KALRN: variants seen among roughly 807,000 people sequenced by gnomAD.
KALRN encodes kalirin.
KALRN carries 70 observed loss-of-function variants against 353.7 expected under a neutral mutation model. The observed-to-expected ratio is 0.20, with a 90% CI of 0.16 to 0.24. The LOEUF is 0.24. KALRN is among the 10% of genes least tolerant of loss of function. The probability of loss-of-function intolerance (pLI) is 1.00; values close to 1 mark genes in which losing one functional copy is unlikely to be tolerated. For synonymous variants in KALRN, 1,391 were observed against 1,434.8 expected, an observed-to-expected ratio of 0.97 and a Z score of 0.69; for missense variants, 2,791 against 3,756.7, an observed-to-expected ratio of 0.74 and a Z score of 6.72.
At chr3:124,581,694 A>C (rs1304090641) in intron 34 of KALRN, among the ~76,000 whole-genome samples, 1 of 152,214 alleles carries the variant, frequency 6.6e-6, no homozygotes, top group Non-Finnish European at 1.5e-5. Flanking sequence ...ATGCCCCCAA[A>C]GTGTAAAAAG....
intron 34 of KALRN, among the ~76,000 whole-genome samples, chr3:124,630,981 C>A (rs911555955): frequency 2.0e-5 from 3 of 152,148 alleles, no homozygotes; most frequent in African/African-American, 7.2e-5. Context: ...ACTACAGCTG[C>A]TTTTTTCAAA....
At chr3:124,381,433 G>A (rs1329731497) in intron 10 of KALRN, among the ~76,000 whole-genome samples, 2 of 152,202 alleles carry the variant, frequency 1.3e-5, no homozygotes, top group Non-Finnish European at 2.9e-5. Flanking sequence ...CCCAAAGGCA[G>A]TGGGAAGCCA....
At chr3:124,515,290 G>A (rs1323826764) in intron 33 of KALRN, among the ~76,000 whole-genome samples, 1 of 152,104 alleles carries the variant, frequency 6.6e-6, no homozygotes, top group Admixed American at 6.5e-5. Flanking sequence ...ACATGAATAG[G>A]GGGAGATAGG....
At chr3:124,134,489 C>A (rs1267938702) in intron 1 of KALRN, among the ~76,000 whole-genome samples, 2 of 152,218 alleles carry the variant, frequency 1.3e-5, no homozygotes, top group Non-Finnish European at 2.9e-5. Context: ...GCCGAAAACC[C>A]AAAAGCAAAT....
At chr3:124,059,987 C>T (rs2041867700) in intron 1 of KALRN, among the ~76,000 whole-genome samples, 1 of 152,260 alleles carries the variant, frequency 6.6e-6, no homozygotes, top group East Asian at 1.9e-4. Flanking sequence ...AAAATCTTTT[C>T]CAGGAGCAGT....
chr3:124,541,396 G>A lies in KALRN; in HGVS notation c.4936-21447G>A, dbSNP rs182838006. Among the ~76,000 whole-genome samples the A allele has an allele frequency of 9.9e-3, 1,511 of 151,956 alleles. 24 individuals are homozygous for A. The highest frequency in any genetic ancestry group is 0.034 in the African/African-American group (1,414 of 41,416). On this transcript the variant is annotated intron_variant, in intron 33 of 59. Coordinates refer to ENST00000682506, the MANE Select transcript of KALRN (RefSeq NM_001388419.1). ...ACCCAGGAGGCGGAGGTTGCAGTGA[G>A]CCGAGATCACGCCACTGCACTCCAG...
At chr3:124,474,539 A>T in intron 25 of KALRN, 124 bp from the exon 26 acceptor site, 1 of 734,864 alleles carries the variant, frequency 1.4e-6, no homozygotes, top group Non-Finnish European at 2.4e-6. Flanking sequence ...ACCATCTATC[A>T]CTTAGACAGT....
intron 1 of KALRN, among the ~76,000 whole-genome samples, chr3:124,128,329 G>A (rs1431448472): frequency 6.6e-6 from 1 of 152,168 alleles, no homozygotes; most frequent in Non-Finnish European, 1.5e-5. Context: ...TTGTCTGGTG[G>A]CCATTCCTCA....
At chr3:124,319,791 G>A (rs1348729141) in intron 6 of KALRN, among the ~76,000 whole-genome samples, 1 of 151,782 alleles carries the variant, frequency 6.6e-6, no homozygotes, top group East Asian at 1.9e-4. Flanking sequence ...TCAGGAGTTC[G>A]AGACCAGCCT....
intron 33 of KALRN, among the ~76,000 whole-genome samples, chr3:124,508,961 A>G (rs1349371890): frequency 6.6e-6 from 1 of 152,082 alleles, no homozygotes; most frequent in Non-Finnish European, 1.5e-5. Flanking sequence ...TCTCTTTTAT[A>G]ATGTCCCTGG....
intron 34 of KALRN, among the ~76,000 whole-genome samples, chr3:124,609,052 T>A (rs1270960213): frequency 6.6e-6 from 1 of 152,268 alleles, no homozygotes; most frequent in East Asian, 1.9e-4. Context: ...TGAAGAAAGG[T>A]CATGTGGGCT....
At chr3:124,548,083 T>C (rs574463038) in intron 33 of KALRN, among the ~76,000 whole-genome samples, 1 of 152,318 alleles carries the variant, frequency 6.6e-6, no homozygotes, top group Non-Finnish European at 1.5e-5. Flanking sequence ...GCCTAAGTTT[T>C]CATCACCAAG....
chr3:124,573,084 T>G (rs2073726163), intron 34 of KALRN, among the ~76,000 whole-genome samples: 1 of 152,110 alleles, frequency 6.6e-6, no homozygotes, highest in Non-Finnish European at 1.5e-5. Context: ...TCCTGGTCAC[T>G]GGCTAGATGA....
At chr3:124,581,036 G>C (rs1185344865) in intron 34 of KALRN, among the ~76,000 whole-genome samples, 1 of 152,108 alleles carries the variant, frequency 6.6e-6, no homozygotes. Flanking sequence ...TGGAAGGCAT[G>C]TAAGGATGGC....
At chr3:124,712,514 C>G (rs983952482) in intron 57 of KALRN, among the ~76,000 whole-genome samples, 8 of 151,786 alleles carry the variant, frequency 5.3e-5, no homozygotes, top group African/African-American at 1.9e-4. Context: ...ATTAGTTAGG[C>G]CAGGCAGAGT....
At chr3:124,527,294 CTCTT>C (rs1371626621) in intron 33 of KALRN, among the ~76,000 whole-genome samples, 2 of 152,086 alleles carry the variant, frequency 1.3e-5, no homozygotes, top group Non-Finnish European at 2.9e-5. Flanking sequence ...TTATAAATCT[CTCTT>C]TATTACTTCC....
At chr3:124,696,429 AT>A (rs1283226463) in intron 54 of KALRN, among the ~76,000 whole-genome samples, 174 bp downstream of exon 54, 6 of 151,826 alleles carry the variant, frequency 4.0e-5, no homozygotes, top group African/African-American at 1.4e-4. Context: ...TGCCTCGCTA[AT>A]TTTTTTTGCA....
At chr3:124,655,902 C>T (rs888539977) in intron 39 of KALRN, among the ~76,000 whole-genome samples, 5 of 152,152 alleles carry the variant, frequency 3.3e-5, no homozygotes, top group African/African-American at 1.2e-4. Context: ...TTGGGGGAGC[C>T]TCTTGGTTAG....
chr3:124,433,379 C>A (rs937886162), intron 16 of KALRN, among the ~76,000 whole-genome samples: 4 of 151,510 alleles, frequency 2.6e-5, no homozygotes, highest in Admixed American at 2.0e-4. Flanking sequence ...CATTTGAGGC[C>A]AGGAGTTTGA....
Sources: gnomAD v4.1 joint callset for allele counts (sites outside exome capture counted in the v4.1 genomes callset) on GRCh38, gnomAD v4.1.1 for gene constraint, MANE v1.5 for transcripts, NCBI Gene and HGNC (gene_info 2026-07-23, HGNC 2026-07-21) for gene names.